HHAT: variants seen among roughly 807,000 people sequenced by gnomAD.
The protein encoded by HHAT is protein-cysteine N-palmitoyltransferase HHAT.
HHAT carries 47 observed loss-of-function variants against 70.8 expected under a neutral mutation model. That is an observed-to-expected ratio of 0.66 (90% confidence interval 0.53 to 0.85). The LOEUF is 0.85. Ranked by LOEUF, HHAT falls within the 40% of genes least tolerant of loss-of-function variation. HHAT has a pLI of 0.00. For synonymous variants in HHAT, 228 were observed against 247.6 expected, an observed-to-expected ratio of 0.92 and a Z score of 0.74; for missense variants, 609 against 604.8, an observed-to-expected ratio of 1.01 and a Z score of -0.07.
intron 10 of HHAT, among the ~76,000 whole-genome samples, chr1:210,601,788 A>G (rs1187188548): frequency 1.3e-5 from 2 of 152,218 alleles, no homozygotes; most frequent in Non-Finnish European, 2.9e-5. Context: ...TAAGAGATCT[A>G]TAAGACAAAT....
chr1:210,499,280 G>A (rs2094708756), intron 8 of HHAT, among the ~76,000 whole-genome samples: 1 of 152,120 alleles, frequency 6.6e-6, no homozygotes, highest in South Asian at 2.1e-4. Flanking sequence ...GACATTGACA[G>A]TTCACAAATT....
At position 210,348,848 on chromosome 1, in the gene HHAT, G is replaced by T. The variant is rs1048351564; in HGVS notation, c.-43-85G>T. 8.2e-6 allele frequency: 11 copies of T among 1,346,914 alleles called. No individual in the cohort carries two copies. The African/African-American group carries it at 1.2e-4, about 14-fold the overall frequency. The allele number at this position is 1,346,914 out of a possible 1,614,324, so 83.4% of individuals were successfully genotyped here. A position where few individuals can be genotyped will look rare whatever the true frequency, so the allele number is the denominator to read the frequency against. ...TCACCTTGAATAGTGATGGGTCTCC[G>T]GGAGTGTGAACTAACTGAATTGATG... On this transcript the variant is annotated intron_variant, in intron 1 of 11. Coordinates refer to ENST00000261458, the MANE Select transcript of HHAT (RefSeq NM_018194.6).
chr1:210,514,118 G>A (rs983010595), intron 9 of HHAT, among the ~76,000 whole-genome samples: 1 of 152,126 alleles, frequency 6.6e-6, no homozygotes, highest in African/African-American at 2.4e-5. Context: ...GTACATAATT[G>A]ACATCACCTT....
At chr1:210,373,192 GA>G (rs1256101640) in intron 3 of HHAT, among the ~76,000 whole-genome samples, 7 of 152,046 alleles carry the variant, frequency 4.6e-5, no homozygotes, top group African/African-American at 1.7e-4. Context: ...GCTGTAACAT[GA>G]TTCAGACTTA....
intron 11 of HHAT, among the ~76,000 whole-genome samples, chr1:210,626,281 G>A (rs1669817775): frequency 6.6e-6 from 1 of 152,160 alleles, no homozygotes; most frequent in Non-Finnish European, 1.5e-5. Flanking sequence ...ATGGGATTGG[G>A]CTCTGAAAAC....
intron 10 of HHAT, among the ~76,000 whole-genome samples, chr1:210,609,980 G>T (rs780311008): frequency 6.6e-6 from 1 of 152,162 alleles, no homozygotes; most frequent in Non-Finnish European, 1.5e-5. Context: ...ACATACGTGT[G>T]CAAGTATCTT....
chr1:210,502,112 C>T (rs943500282), intron 8 of HHAT, among the ~76,000 whole-genome samples: 9 of 151,420 alleles, frequency 5.9e-5, no homozygotes, highest in South Asian at 4.2e-4. Context: ...CGGCCAGGCA[C>T]GGTGGCTCAC....
At chr1:210,485,702 A>G (rs1327072087) in intron 8 of HHAT, among the ~76,000 whole-genome samples, 1 of 152,192 alleles carries the variant, frequency 6.6e-6, no homozygotes, top group African/African-American at 2.4e-5. Flanking sequence ...AGAGAGAATG[A>G]GAACCAAGCA....
chr1:210,554,063 C>T (rs1019037088), intron 9 of HHAT, among the ~76,000 whole-genome samples: 15 of 152,074 alleles, frequency 9.9e-5, no homozygotes, highest in African/African-American at 3.4e-4. Context: ...CAAGTGGAAC[C>T]GGGGCTGCTA....
At chr1:210,505,489 G>T (rs2094837125) in intron 8 of HHAT, among the ~76,000 whole-genome samples, 1 of 152,206 alleles carries the variant, frequency 6.6e-6, no homozygotes, top group African/African-American at 2.4e-5. Context: ...TTCCGAATTA[G>T]TCAAGTGAGG....
At chr1:210,442,391 G>A (rs1432263601) in intron 7 of HHAT, among the ~76,000 whole-genome samples, 1 of 143,942 alleles carries the variant, frequency 6.9e-6, no homozygotes, top group African/African-American at 2.6e-5. Context: ...GGGTCAAATG[G>A]TATTTCCAGT....
chr1:210,636,660 T>G (rs1312876186), intron 11 of HHAT, among the ~76,000 whole-genome samples: 3 of 152,236 alleles, frequency 2.0e-5, no homozygotes, highest in African/African-American at 7.2e-5. Context: ...GAATTCTATT[T>G]TCTCCCAGTG....
At chr1:210,594,165 A>G (rs938594193) in intron 10 of HHAT, among the ~76,000 whole-genome samples, 2 of 151,964 alleles carry the variant, frequency 1.3e-5, no homozygotes, top group African/African-American at 4.8e-5. Flanking sequence ...TTTACATTCA[A>G]TGTTATTATT....
intron 9 of HHAT, among the ~76,000 whole-genome samples, chr1:210,530,728 G>T (rs1390591824): frequency 6.6e-6 from 1 of 152,126 alleles, no homozygotes; most frequent in East Asian, 1.9e-4. Context: ...AGGAGAACTG[G>T]GTGGGCCCTA....
chr1:210,461,056 ATTTG>A (rs1458360882), intron 7 of HHAT, among the ~76,000 whole-genome samples: 2 of 152,236 alleles, frequency 1.3e-5, no homozygotes, highest in African/African-American at 2.4e-5. Context: ...ACCCAGAAAT[ATTTG>A]TTAAAGTATT....
intron 7 of HHAT, among the ~76,000 whole-genome samples, chr1:210,457,000 A>G (rs536360904): frequency 6.6e-6 from 1 of 151,982 alleles, no homozygotes; most frequent in African/African-American, 2.4e-5. Flanking sequence ...AGTCACATTT[A>G]CTGACTTTGG....
intron 11 of HHAT, among the ~76,000 whole-genome samples, chr1:210,644,395 G>A (rs1283960847): frequency 6.6e-6 from 1 of 152,092 alleles, no homozygotes; most frequent in Non-Finnish European, 1.5e-5. Context: ...CTGAGGTCAG[G>A]AGTTCGAGAC....
intron 3 of HHAT, among the ~76,000 whole-genome samples, chr1:210,371,775 G>A (rs1342469514): frequency 1.3e-5 from 2 of 152,114 alleles, no homozygotes; most frequent in Non-Finnish European, 2.9e-5. Flanking sequence ...ATGAAACAAA[G>A]CAAACGTTGC....
intron 4 of HHAT, among the ~76,000 whole-genome samples, chr1:210,394,770 G>C (rs1256563828): frequency 6.6e-6 from 1 of 152,100 alleles, no homozygotes; most frequent in Non-Finnish European, 1.5e-5. Flanking sequence ...CAGGGAGCAG[G>C]GTTCTTTTCC....
Sources: gnomAD v4.1 joint callset for allele counts (sites outside exome capture counted in the v4.1 genomes callset) on GRCh38, gnomAD v4.1.1 for gene constraint, MANE v1.5 for transcripts, NCBI Gene and HGNC (gene_info 2026-07-23, HGNC 2026-07-21) for gene names.